ABCA2: variants seen among roughly 807,000 people sequenced by gnomAD.
ABCA2 encodes ATP binding cassette subfamily A member 2.
Under a neutral mutation model 262.8 loss-of-function variants are expected in ABCA2, and 84 were observed. The ratio of observed to expected loss-of-function variants is 0.32; its 90% CI spans 0.27 to 0.38. ABCA2 has a LOEUF of 0.38. ABCA2 is among the 10% of genes least tolerant of loss of function. ABCA2 has a pLI of 1.00. For missense variants in ABCA2, 2,662 were observed against 3,405.9 expected, an observed-to-expected ratio of 0.78 and a Z score of 5.44; for synonymous variants, 1,696 against 1,502.9, an observed-to-expected ratio of 1.13 and a Z score of -2.97.
intron 45 of ABCA2, 70 bp from the exon 46 acceptor site, chr9:137,009,123 G>A: frequency 6.9e-7 from 1 of 1,445,994 alleles, no homozygotes; most frequent in Non-Finnish European, 9.4e-7. Flanking sequence ...CAGCCTCCCA[G>A]CCCTACAGCC....
At chr9:137,018,630 G>C in intron 13 of ABCA2, 89 bp downstream of exon 13, 1 of 1,149,010 alleles carries the variant, frequency 8.7e-7, no homozygotes, top group Admixed American at 2.2e-5. Context: ...CGCGGCCAAG[G>C]AGTGGGAGGG....
In ABCA2 at chr9:137,014,263, G is replaced by A. The variant is rs1831175090; in HGVS notation, c.4145C>T (p.Ala1382Val). The part of the protein sequence containing the change: ...SLQSASSVGS[A>V]RGDEGAGYTD... ...GTAGCCAGCTCCCTCGTCGCCACGG[G>A]CAGAGCCCACAGATGACGCCGACTG... Residue 1382 changes from alanine to valine, a missense_variant, in exon 27 of 49, where the codon GCC (alanine) becomes GTC (valine). Transcript: ENST00000341511. 3 of 1,610,902 alleles carry A rather than the reference G, an allele frequency of 1.9e-6. No individual in the cohort carries two copies. Among genetic ancestry groups the A allele is most frequent in the Non-Finnish European group, 2.5e-6 (3 of 1,179,278 alleles).
At chr9:137,009,333 C>T (rs1234855540) in intron 45 of ABCA2, 37 bp downstream of exon 45, 2 of 528,346 alleles carry the variant, frequency 3.8e-6, no homozygotes, top group African/African-American at 2.1e-5. Context: ...CCCCCCCGGG[C>T]CCGCCCCAGC....
In ABCA2 at chr9:137,018,221, A is replaced by C; in HGVS notation, c.1950T>G (p.Thr650=). ...RRAYWRPGPN[T]GGRFYFLYGF... Reference sequence around the variant, plus strand: ...CGTAGAGGAAGTAGAAGCGGCCGCCAGTATTGGGCCCAGGCCGCCAGTAGG... The same window carrying C: ...CGTAGAGGAAGTAGAAGCGGCCGCCCGTATTGGGCCCAGGCCGCCAGTAGG... Residue 650 remains threonine, a synonymous_variant, in exon 14 of 49, where the codon ACT becomes ACG. Transcript: ENST00000341511. 1 of 1,609,004 alleles carries C rather than the reference A, an allele frequency of 6.2e-7. No individual in the cohort carries two copies. The highest frequency in any genetic ancestry group is 8.5e-7 in the Non-Finnish European group (1 of 1,179,398).
rs1414677601 is a variant in ABCA2, at chr9:137,012,110, C to T, written c.5352G>A (p.Leu1784=). 2 of 1,612,662 alleles carry T rather than the reference C, an allele frequency of 1.2e-6. No homozygotes were observed. The highest frequency in any genetic ancestry group is 1.7e-5 in the Admixed American group (1 of 60,018). Residue 1784 remains leucine (L), a synonymous_variant, in exon 34 of 49, where the codon CTG becomes CTA. Transcript: ENST00000341511. ...PMNKTSASLS[L]DYLLQGTDVV... ...CCACTGGCCACACTTACAGGTAATC[C>T]AGGGAGAGGCTGGCGCTGGTCTTAT...
rs1446325593 is a variant in ABCA2, at chr9:137,008,490, G to A, written c.7201C>T (p.Arg2401Trp). 7.6e-6 allele frequency: 12 copies of A among 1,574,616 alleles called. No homozygotes were observed. Among genetic ancestry groups the A allele is most frequent in the African/African-American group, 1.3e-5 (1 of 74,122 alleles). Residue 2401 changes from arginine (R) to tryptophan (W), a missense_variant, in exon 48 of 49, where the codon CGG becomes TGG. Transcript: ENST00000341511. ...TCGGGCTCGTCTGCCACAAGTGCCC[G>A]GAGCTCCGTGGGGGCAGACCGGGGC... ...LRPRSAPTELRALVADEPEDL... is the reference protein window; with the variant it reads ...LRPRSAPTELWALVADEPEDL...
intron 9 of ABCA2, 59 bp from the exon 10 acceptor site, chr9:137,020,554 G>A: frequency 6.5e-7 from 1 of 1,545,540 alleles, no homozygotes; most frequent in Admixed American, 1.8e-5. Flanking sequence ...GCGAGAGTGG[G>A]AGGGGCATCG....
intron 1 of ABCA2, among the ~76,000 whole-genome samples, chr9:137,025,520 T>C (rs1488625665): frequency 6.6e-6 from 1 of 152,244 alleles, no homozygotes; most frequent in Non-Finnish European, 1.5e-5. Flanking sequence ...CTGTGTTTAC[T>C]GTGCTTGGAC....
chr9:137,018,341 G>T lies in ABCA2; in HGVS notation c.1830C>A (p.Phe610Leu). Residue 610 changes from phenylalanine to leucine, a missense_variant, in exon 14 of 49, where the codon TTC (phenylalanine) becomes TTA (leucine). This residue lies in a region of ABCA2 where 187 missense variants were observed against 205.9 expected (regional missense o/e 0.91). Transcript: ENST00000341511. ...GGAGCGAGCCGTCCTTCCGGGTCTG[G>T]AAGATCACACCTGGGGCCGGGAGGT... is the stretch of plus-strand genomic sequence containing the variant. The part of the protein sequence containing the change: ...DNVTVFASVI[F>L]QTRKDGSLPP... 7.0e-7 allele frequency: 1 copy of T among 1,436,992 alleles called. No homozygotes were observed. 89.0% of individuals were successfully genotyped at this position (1,436,992 alleles called of 1,614,324 possible).
Position 137,021,051 on chromosome 9 carries a change from T to C in ABCA2, c.908A>G (p.Asp303Gly), listed in dbSNP as rs1234958715. The part of the protein sequence containing the change: ...VAKVSQQLGL[D>G]APNGSDSSPQ... ...CGAGGAGTCCGAGCCGTTGGGGGCATCCAGGCCCAGCTGAGGGGAAACAGG... is the reference window on the plus strand; with the variant it reads ...CGAGGAGTCCGAGCCGTTGGGGGCACCCAGGCCCAGCTGAGGGGAAACAGG... The change falls in exon 9 of 49, where the codon GAT becomes GGT. Residue 303 changes from aspartate (D) to glycine (G), a missense_variant. Around this residue, in one of 12 missense-constraint regions of ABCA2, gnomAD observed 403 missense variants for 375.9 expected, o/e 1.07. Transcript: ENST00000341511. The surrounding 1 kb of genome is among the most constrained non-coding windows in gnomAD (Gnocchi z 6.0). 3 of 1,477,460 alleles carry C rather than the reference T, an allele frequency of 2.0e-6. No homozygotes were observed. In the African/African-American group the frequency reaches 4.2e-5, roughly 21 times the overall value. 91.5% of individuals were successfully genotyped at this position (1,477,460 alleles called of 1,614,324 possible). A position where few individuals can be genotyped will look rare whatever the true frequency, so the allele number is the denominator to read the frequency against.
chr9:137,013,438 G>C, intron 29 of ABCA2, 23 bp downstream of exon 29: 1 of 1,587,128 alleles, frequency 6.3e-7, no homozygotes, highest in Non-Finnish European at 8.6e-7. Flanking sequence ...ACCCACCAAG[G>C]CTGCCCCCGC....
chr9:137,010,883 C>CAG, intron 39 of ABCA2, 90 bp downstream of exon 39: 1 of 488,480 alleles, frequency 2.0e-6, no homozygotes, highest in Non-Finnish European at 3.8e-6. Context: ...CCTGCCCCAT[C>CAG]CCTGCCCCCA....
rs1360128281 is a variant in ABCA2, at chr9:137,021,869, T to C, written c.678+22A>G. The C allele has an allele frequency of 1.3e-6, 2 of 1,565,560 alleles. No homozygotes were observed. Among genetic ancestry groups the C allele is most frequent in the South Asian group, 1.2e-5 (1 of 86,130 alleles). ...AGAGGCAGGCAGCACTCCAGGCCCA[T>C]CCCACACATGGATGCCCTCACCTCC... is the stretch of plus-strand genomic sequence containing the variant. On this transcript the variant is annotated intron_variant, in intron 7 of 48. Transcript: ENST00000341511. This position sits in a 1 kb window ranked among gnomAD's most constrained non-coding sequence, Gnocchi z 6.0.
At chr9:137,028,567 G>T, upstream of ABCA2, 2 of 705,122 alleles carry the variant, frequency 2.8e-6, no homozygotes, top group Non-Finnish European at 3.7e-6. This position sits in a 1 kb window ranked among gnomAD's most constrained non-coding sequence, Gnocchi z 6.9. Context: ...ATCCGGCTGC[G>T]CCCACCGCGC....
In ABCA2 at chr9:137,007,822, C is replaced by T; in HGVS notation, c.*107G>A. 1 of 1,488,202 alleles carries T rather than the reference C, an allele frequency of 6.7e-7. No individual in the cohort carries two copies. Among genetic ancestry groups the T allele is most frequent in the Admixed American group, 1.9e-5 (1 of 53,142 alleles). 92.2% of individuals were successfully genotyped at this position (1,488,202 alleles called of 1,614,324 possible). A position where few individuals can be genotyped will look rare whatever the true frequency, so the allele number is the denominator to read the frequency against. On this transcript the variant is annotated 3_prime_UTR_variant, in exon 49 of 49. Transcript: ENST00000341511. ...GAAGCCCCTTGGTCCTGAACCTCCA[C>T]TCCAGGCCCTGGCAGGCACTGGGGG...
intron 39 of ABCA2, 68 bp downstream of exon 39, chr9:137,010,882 TCCCTGCCCCCACCCCCGCCCCTA>T: frequency 3.0e-6 from 1 of 337,658 alleles, no homozygotes; most frequent in Non-Finnish European, 5.2e-6. Flanking sequence ...TCCTGCCCCA[TCCCTGCCCCCACCCCCGCCCCTA>T]CCCTGCCCCA....
At chr9:137,023,803 C>T in intron 3 of ABCA2, 35 bp downstream of exon 3, 1 of 752,764 alleles carries the variant, frequency 1.3e-6, no homozygotes, top group Non-Finnish European at 2.4e-6. Context: ...CAGCTGCTGC[C>T]CAGGCCAGCC....
In ABCA2 at chr9:137,009,588, G is replaced by T. The variant is rs774210228; in HGVS notation, c.6687C>A (p.Ile2229=). The stretch of plus-strand genomic sequence containing the variant: ...AACGCCCTGTCTTGATGAGGTCAAG[G>T]ATGAGGTTCCAGAGGAAGCGCCGGG... ...PKARRFLWNL[I]LDLIKTGRSV... Residue 2229 remains isoleucine, a synonymous_variant, in exon 44 of 49, where the codon ATC becomes ATA. Coordinates refer to ENST00000341511, the MANE Select transcript of ABCA2 (RefSeq NM_001606.5). The T allele has an allele frequency of 8.7e-6, 14 of 1,612,858 alleles. No homozygotes were observed. In the South Asian group the frequency reaches 1.4e-4, roughly 16 times the overall value.
rs1831354805 is a variant in ABCA2, at chr9:137,018,815, C to T, written c.1723G>A (p.Val575Met). The T allele has an allele frequency of 3.1e-6, 5 of 1,612,596 alleles. No homozygotes were observed. The East Asian group carries it at 8.9e-5, about 29-fold the overall frequency. The change falls in exon 13 of 49, where the codon GTG (valine) becomes ATG (methionine). Residue 575 changes from valine (V) to methionine (M), a missense_variant and splice_region_variant. Transcript: ENST00000341511. ...ACGWIQFMSK[V>M]SVDIFKGFPD... is the part of the protein sequence containing the mutation. ...AAGCCCTTGAAGATGTCCACGCTCA[C>T]CTAGCGGGAGGGGCATCGCTGGAGC...
Sources: gnomAD v4.1 joint callset for allele counts (sites outside exome capture counted in the v4.1 genomes callset) on GRCh38, gnomAD v4.1.1 for gene constraint, gnomAD v4.1.1 regional missense constraint, Gnocchi (gnomAD v3.1) non-coding constraint, MANE v1.5 for transcripts, NCBI Gene and HGNC (gene_info 2026-07-23, HGNC 2026-07-21) for gene names.